The following DIAPH2 variants were observed in gnomAD, a reference collection of about 807,000 sequenced individuals.
DIAPH2 encodes diaphanous related formin 2.
A neutral mutation model predicts 92.7 loss-of-function variants in DIAPH2; 35 were observed. The ratio of observed to expected loss-of-function variants is 0.38; its 90% CI spans 0.29 to 0.50. The LOEUF is 0.50. Ranked by LOEUF, DIAPH2 falls within the 20% of genes least tolerant of loss-of-function variation. The pLI, the probability that DIAPH2 is intolerant of heterozygous loss-of-function variation, is 0.94. For missense variants in DIAPH2, 701 were observed against 819.5 expected, an observed-to-expected ratio of 0.86 and a Z score of 1.77; for synonymous variants, 301 against 280.4, an observed-to-expected ratio of 1.07 and a Z score of -0.73.
intron 17 of DIAPH2, among the ~76,000 whole-genome samples, chrX:97,018,444 T>G (rs1357329304): frequency 1.8e-5 from 2 of 112,418 alleles, no homozygotes; most frequent in Non-Finnish European, 3.8e-5. Context: ...TTGCTGCTAT[T>G]GCGACAGCAT....
At chrX:97,111,606 T>C (rs2066980990) in intron 20 of DIAPH2, among the ~76,000 whole-genome samples, 1 of 112,181 alleles carries the variant, frequency 8.9e-6, no homozygotes, top group Non-Finnish European at 1.9e-5. Context: ...TTCTATCTTT[T>C]ATATCCATTG....
chrX:97,224,133 G>A (rs1158482033), intron 22 of DIAPH2, among the ~76,000 whole-genome samples: 1 of 111,733 alleles, frequency 8.9e-6, no homozygotes, highest in African/African-American at 3.2e-5. Flanking sequence ...ATTAGGCTAT[G>A]GCAACAAATG....
chrX:96,814,954 C>T (rs1316997584), intron 4 of DIAPH2, among the ~76,000 whole-genome samples: 1 of 111,626 alleles, frequency 9.0e-6, no homozygotes, highest in African/African-American at 3.3e-5. Context: ...GGCCCCTACT[C>T]GGAGCTGTCT....
intron 4 of DIAPH2, among the ~76,000 whole-genome samples, chrX:96,844,793 C>T (rs1438172011): frequency 9.0e-6 from 1 of 111,537 alleles, no homozygotes; most frequent in Non-Finnish European, 1.9e-5. Flanking sequence ...AGTGTTATTT[C>T]ACGTCAATAC....
chrX:97,176,878 G>A (rs1335944371), intron 22 of DIAPH2, among the ~76,000 whole-genome samples: 4 of 111,752 alleles, frequency 3.6e-5, no homozygotes, highest in East Asian at 5.6e-4. Context: ...GGATGCTCAA[G>A]TTCTTTATTT....
At chrX:97,309,779 C>T (rs1046249560) in intron 23 of DIAPH2, among the ~76,000 whole-genome samples, 1 of 112,119 alleles carries the variant, frequency 8.9e-6, no homozygotes, top group African/African-American at 3.2e-5. Flanking sequence ...GATATTCCAA[C>T]TAAAATTTTA....
At chrX:97,036,992 AT>A (rs931080588) in intron 17 of DIAPH2, among the ~76,000 whole-genome samples, 24 of 109,790 alleles carry the variant, frequency 2.2e-4, no homozygotes, top group African/African-American at 6.3e-4. Context: ...TATAGGTACT[AT>A]TTTTTTTTAA....
At chrX:97,579,959 GCTCT>G (rs1360213522) in intron 26 of DIAPH2, among the ~76,000 whole-genome samples, 1 of 109,711 alleles carries the variant, frequency 9.1e-6, no homozygotes, top group Non-Finnish European at 1.9e-5. Flanking sequence ...TCATGATTTG[GCTCT>G]CTGTTTGTCT....
chrX:97,562,794 A>G (rs1226253703), intron 26 of DIAPH2, among the ~76,000 whole-genome samples: 1 of 112,089 alleles, frequency 8.9e-6, no homozygotes, highest in Non-Finnish European at 1.9e-5. Flanking sequence ...TTTCTAGGCT[A>G]TAGATGAGGA....
intron 1 of DIAPH2, among the ~76,000 whole-genome samples, chrX:96,694,753 C>T (rs1274512513): frequency 1.8e-5 from 2 of 111,674 alleles, no homozygotes; most frequent in Non-Finnish European, 3.8e-5. Context: ...AGAAGCATTT[C>T]CTCTGATAAT....
rs759564283 is a variant in DIAPH2, at chrX:97,272,129, G to C, written c.2844+24290G>C. Among the ~76,000 whole-genome samples, 15 of 110,526 alleles carry C rather than the reference G, an allele frequency of 1.4e-4. No individual in the cohort carries two copies. The East Asian group carries it at 4.0e-3, about 29-fold the overall frequency. ...TTCTCCTGCCTCAGCCTCCCAAGTA[G>C]CTGGGACTACAGGCATGCACCACCA... On this transcript the variant is annotated intron_variant, in intron 23 of 26. Transcript: ENST00000324765.
intron 17 of DIAPH2, among the ~76,000 whole-genome samples, chrX:96,997,440 G>A (rs1016639656): frequency 1.8e-5 from 2 of 111,013 alleles, no homozygotes; most frequent in African/African-American, 6.5e-5. Context: ...CCCATACATC[G>A]TGCTCCGTGG....
At chrX:97,029,000 C>T (rs2066354048) in intron 17 of DIAPH2, among the ~76,000 whole-genome samples, 1 of 111,625 alleles carries the variant, frequency 9.0e-6, no homozygotes, top group African/African-American at 3.3e-5. Flanking sequence ...TTAATGTTAG[C>T]CATCCTAATG....
chrX:97,304,625 C>T (rs2068731657), intron 23 of DIAPH2, among the ~76,000 whole-genome samples: 1 of 112,094 alleles, frequency 8.9e-6, no homozygotes, highest in Admixed American at 9.5e-5. Context: ...GTTCATCTCA[C>T]GATGTTTGAT....
chrX:97,400,955 C>T (rs1162284770), intron 25 of DIAPH2, among the ~76,000 whole-genome samples: 1 of 106,216 alleles, frequency 9.4e-6, no homozygotes, highest in African/African-American at 3.5e-5. Flanking sequence ...TGGCCACGAA[C>T]TCCTGGGCTC....
At chrX:97,046,933 G>A (rs960618186) in intron 17 of DIAPH2, among the ~76,000 whole-genome samples, 1 of 111,264 alleles carries the variant, frequency 9.0e-6, no homozygotes, top group African/African-American at 3.3e-5. Flanking sequence ...GGGAGGTTGT[G>A]TTACTTTCGG....
intron 4 of DIAPH2, among the ~76,000 whole-genome samples, chrX:96,845,676 C>T (rs1204292843): frequency 4.4e-5 from 5 of 112,523 alleles, no homozygotes; most frequent in Non-Finnish European, 9.4e-5. Flanking sequence ...ATGAATATGG[C>T]AAGAATATTT....
chrX:97,018,556 G>A (rs2066275728), intron 17 of DIAPH2, among the ~76,000 whole-genome samples: 3 of 111,915 alleles, frequency 2.7e-5, no homozygotes, highest in African/African-American at 6.5e-5. Flanking sequence ...AAAAACCCAT[G>A]AGCTTAATTA....
Position 97,185,224 on chromosome X carries a change from C to G in DIAPH2, c.2719+43430C>G, listed in dbSNP as rs777136275. Among the ~76,000 whole-genome samples, 385 of 88,319 alleles carry G rather than the reference C, an allele frequency of 4.4e-3. 4 individuals are homozygous for G. The highest frequency in any genetic ancestry group is 0.015 in the African/African-American group (365 of 23,791). 76.7% of individuals were successfully genotyped at this position (88,319 alleles called of 115,157 possible). ...CTGAGGCACGAGAATCGCCTGAACC[C>G]AAGAGACAGAGATTGCAGTGAGCCA... On this transcript the variant is annotated intron_variant, in intron 22 of 26. Transcript: ENST00000324765.
Sources: gnomAD v4.1 joint callset for allele counts (sites outside exome capture counted in the v4.1 genomes callset) on GRCh38, gnomAD v4.1.1 for gene constraint, MANE v1.5 for transcripts, NCBI Gene and HGNC (gene_info 2026-07-23, HGNC 2026-07-21) for gene names.